RBMS3: variants seen among roughly 807,000 people sequenced by gnomAD.
RBMS3 encodes the protein RNA-binding motif, single-stranded-interacting protein 3.
A neutral mutation model predicts 66.8 loss-of-function variants in RBMS3; 27 were observed. That is an observed-to-expected ratio of 0.40 (90% confidence interval 0.30 to 0.56). The LOEUF (loss-of-function observed/expected upper bound fraction) is 0.56. Ranked by LOEUF, RBMS3 falls within the 20% of genes least tolerant of loss-of-function variation. The pLI is 0.40. For synonymous variants in RBMS3, 188 were observed against 183.0 expected (o/e 1.03, Z -0.22); for missense variants, 513 against 549.5 (o/e 0.93, Z 0.66).
intron 12 of RBMS3, among the ~76,000 whole-genome samples, chr3:29,979,178 A>G (rs1256167824): frequency 6.6e-6 from 1 of 151,572 alleles, no homozygotes; most frequent in Non-Finnish European, 1.5e-5. Flanking sequence ...AACAACAACA[A>G]CAACAATGAC....
chr3:29,933,622 C>T (rs2061188091), intron 10 of RBMS3, among the ~76,000 whole-genome samples: 1 of 152,112 alleles, frequency 6.6e-6, no homozygotes, highest in Non-Finnish European at 1.5e-5. Flanking sequence ...TAGATTCTTA[C>T]ATATCCTTCC....
intron 1 of RBMS3, among the ~76,000 whole-genome samples, chr3:29,361,205 T>G: frequency 6.6e-6 from 1 of 152,080 alleles, no homozygotes; most frequent in East Asian, 1.9e-4. Context: ...CTTTCCATGT[T>G]TAGTGCTTCC....
intron 2 of RBMS3, 198 bp downstream of exon 2, chr3:29,435,113 G>A: frequency 1.7e-6 from 1 of 587,198 alleles, no homozygotes; most frequent in South Asian, 2.7e-5. Flanking sequence ...GTTGTTGAGT[G>A]GAAGTTCTTG....
chr3:29,782,185 G>A (rs185430331), intron 6 of RBMS3, among the ~76,000 whole-genome samples: 44 of 152,154 alleles, frequency 2.9e-4, no homozygotes, highest in Middle Eastern at 3.4e-3. Flanking sequence ...TAGCTGACGC[G>A]CTCTTGAAAG....
At chr3:29,835,539 T>C (rs1227994876) in intron 6 of RBMS3, among the ~76,000 whole-genome samples, 1 of 151,434 alleles carries the variant, frequency 6.6e-6, no homozygotes, top group African/African-American at 2.4e-5. Flanking sequence ...AACCAATGGG[T>C]CAAAAAAATT....
At chr3:29,328,164 G>A (rs1362595031) in intron 1 of RBMS3, among the ~76,000 whole-genome samples, 3 of 152,128 alleles carry the variant, frequency 2.0e-5, no homozygotes, top group African/African-American at 7.2e-5. Context: ...AAACAACGTG[G>A]CACGTTTAAA....
chr3:29,440,359 G>A (rs1249988992), intron 2 of RBMS3, among the ~76,000 whole-genome samples: 4 of 152,098 alleles, frequency 2.6e-5, no homozygotes, highest in Non-Finnish European at 5.9e-5. Flanking sequence ...TTAAAATATT[G>A]TGAAGGAACA....
chr3:29,865,321 T>C (rs1406022804), intron 6 of RBMS3, among the ~76,000 whole-genome samples: 1 of 152,150 alleles, frequency 6.6e-6, no homozygotes, highest in Non-Finnish European at 1.5e-5. Context: ...CTATAAACCT[T>C]ATAAGAACCA....
intron 4 of RBMS3, among the ~76,000 whole-genome samples, chr3:29,630,086 G>A (rs964678477): frequency 1.3e-5 from 2 of 151,910 alleles, no homozygotes; most frequent in Non-Finnish European, 2.9e-5. Context: ...TACCTTTGCA[G>A]TTTTTATTTT....
intron 3 of RBMS3, among the ~76,000 whole-genome samples, chr3:29,514,323 A>C (rs1355812886): frequency 6.6e-6 from 1 of 151,994 alleles, no homozygotes. Context: ...ACCTAAAGCT[A>C]CTCAGACTTC....
At chr3:29,668,654 G>T (rs879615733) in intron 4 of RBMS3, among the ~76,000 whole-genome samples, 1 of 152,092 alleles carries the variant, frequency 6.6e-6, no homozygotes, top group Admixed American at 6.5e-5. Flanking sequence ...TGCACAAAAG[G>T]GTGGAATGAA....
intron 1 of RBMS3, among the ~76,000 whole-genome samples, chr3:29,364,618 A>AT (rs1418238972): frequency 6.6e-6 from 1 of 152,130 alleles, no homozygotes; most frequent in African/African-American, 2.4e-5. Context: ...CATACTTTAC[A>AT]TTTTCCCATC....
At chr3:29,305,991 C>T (rs193272270) in intron 1 of RBMS3, among the ~76,000 whole-genome samples, 2 of 152,092 alleles carry the variant, frequency 1.3e-5, no homozygotes, top group Admixed American at 1.3e-4. Context: ...GCATTCGTTA[C>T]TTGTTCTAAA....
chr3:29,952,575 A>C (rs909212672), intron 12 of RBMS3, among the ~76,000 whole-genome samples: 1 of 151,836 alleles, frequency 6.6e-6, no homozygotes, highest in Non-Finnish European at 1.5e-5. Flanking sequence ...ACTACTATAT[A>C]CACATTTTTT....
chr3:29,308,533 T>A (rs979526344), intron 1 of RBMS3, among the ~76,000 whole-genome samples: 4 of 151,698 alleles, frequency 2.6e-5, no homozygotes, highest in African/African-American at 9.7e-5. Context: ...AGTGTTATAT[T>A]TGATATAGGA....
intron 6 of RBMS3, among the ~76,000 whole-genome samples, chr3:29,822,070 A>G (rs146572559): frequency 6.6e-6 from 1 of 152,192 alleles, no homozygotes. Flanking sequence ...TTCAAACTGC[A>G]CAAGGATGGT....
intron 1 of RBMS3, among the ~76,000 whole-genome samples, chr3:29,334,091 A>T (rs550408684): frequency 6.6e-6 from 1 of 152,290 alleles, no homozygotes; most frequent in East Asian, 1.9e-4. Flanking sequence ...GTGAAAATTT[A>T]AAAATTATGT....
intron 6 of RBMS3, among the ~76,000 whole-genome samples, chr3:29,828,342 T>A (rs1238850255): frequency 6.6e-6 from 1 of 152,146 alleles, no homozygotes; most frequent in East Asian, 1.9e-4. Flanking sequence ...CTTTATTTTG[T>A]TTTAACATAA....
intron 8 of RBMS3, among the ~76,000 whole-genome samples, chr3:29,887,721 A>C (rs2059905269): frequency 6.6e-6 from 1 of 151,794 alleles, no homozygotes; most frequent in Non-Finnish European, 1.5e-5. Flanking sequence ...TCACTAAAAC[A>C]AACTAAGACT....
Sources: gnomAD v4.1 joint callset for allele counts (sites outside exome capture counted in the v4.1 genomes callset) on GRCh38, gnomAD v4.1.1 for gene constraint, MANE v1.5 for transcripts, NCBI Gene and HGNC (gene_info 2026-07-23, HGNC 2026-07-21) for gene names.